TUBGCP4: variants seen among roughly 807,000 people sequenced by gnomAD.
TUBGCP4 encodes tubulin gamma complex component 4.
Under a neutral mutation model 91.6 loss-of-function variants are expected in TUBGCP4, and 54 were observed. That is an observed-to-expected ratio of 0.59 (90% CI 0.47 to 0.74). The LOEUF (loss-of-function observed/expected upper bound fraction) is 0.74. TUBGCP4 is among the 30% of genes least tolerant of loss of function. The pLI, the probability that TUBGCP4 is intolerant of heterozygous loss-of-function variation, is 0.00. For missense variants in TUBGCP4, 593 were observed against 800.9 expected, an observed-to-expected ratio of 0.74 and a Z score of 3.13; for synonymous variants, 297 against 302.8, an observed-to-expected ratio of 0.98 and a Z score of 0.20.
rs45538744 is a variant in TUBGCP4, at chr15:43,407,922, T to C, written c.*2708T>C. On this transcript the variant is annotated 3_prime_UTR_variant, in exon 18 of 18. Transcript: ENST00000564079. The stretch of plus-strand genomic sequence containing the variant: ...AAGGAGATCCCTGGAACAAAGACAC[T>C]ACACACACTCTTTCAGGTACCTTTG... The C allele has an allele frequency of 1.2e-6, 2 of 1,605,154 alleles. No individual in the cohort carries two copies. The highest frequency in any genetic ancestry group is 2.2e-5 in the South Asian group (2 of 90,430).
Position 43,400,171 on chromosome 15 carries a change from C to T in TUBGCP4, c.1546C>T (p.Leu516=). 1 of 1,614,118 alleles carries T rather than the reference C, an allele frequency of 6.2e-7. No individual in the cohort carries two copies. Among genetic ancestry groups the T allele is most frequent in the Non-Finnish European group, 8.5e-7 (1 of 1,180,028 alleles). The part of the protein sequence containing the change: ...SNQTDAIKWR[L]RNHMAFLVDN... ...CCAGACTGATGCAATCAAGTGGCGC[C>T]TAAGAAATCACATGGCATTTTTGGT... Residue 516 remains leucine (L), a synonymous_variant, in exon 14 of 18, where the codon CTA becomes TTA. Coordinates refer to ENST00000564079, the MANE Select transcript of TUBGCP4 (RefSeq NM_014444.5).
At chr15:43,392,361 A>AT (rs1337365928) in intron 9 of TUBGCP4, among the ~76,000 whole-genome samples, 1 of 151,958 alleles carries the variant, frequency 6.6e-6, no homozygotes, top group Non-Finnish European at 1.5e-5. Context: ...TTTGTTTATG[A>AT]TTTTTTAACC....
chr15:43,400,112 C>T lies in TUBGCP4; in HGVS notation c.1487C>T (p.Ala496Val), dbSNP rs781319991. ...RVQAELQHCW[A>V]LQMQRKHLKS... ...CAAGCTGAGCTGCAGCACTGCTGGG[C>T]CCTACAAATGCAGCGCAAGCACCTC... The change falls in exon 14 of 18, where the codon GCC becomes GTC. Residue 496 changes from alanine to valine, a missense_variant. By Grantham distance (64) the Ala-to-Val change is moderately conservative. Transcript: ENST00000564079. 6.2e-7 allele frequency: 1 copy of T among 1,614,166 alleles called. No homozygotes were observed. Among genetic ancestry groups the T allele is most frequent in the South Asian group, 1.1e-5 (1 of 91,080 alleles).
chr15:43,394,767 T>G (rs185364715), intron 9 of TUBGCP4: 56 of 329,536 alleles, frequency 1.7e-4, no homozygotes, highest in African/African-American at 1.2e-3. Flanking sequence ...CCTTGCTCTC[T>G]CTTGCTCCTA....
Position 43,380,148 on chromosome 15 carries a change from G to A in TUBGCP4, c.506G>A (p.Arg169Gln), listed in dbSNP as rs1183616347. The change falls in exon 6 of 18, where the codon CGA (arginine) becomes CAA (glutamine). Residue 169 changes from arginine (R) to glutamine (Q), a missense_variant. Coordinates refer to ENST00000564079, the MANE Select transcript of TUBGCP4 (RefSeq NM_014444.5). Reference sequence around the variant, plus strand: ...AGCTGTGGGGGGTTGCCTCCTGTTCGAAGTGCACTGGAAAAGTAAGTCATG... The same window carrying A: ...AGCTGTGGGGGGTTGCCTCCTGTTCAAAGTGCACTGGAAAAGTAAGTCATG... ...KHSCGGLPPV[R>Q]SALEKILAVC... The A allele has an allele frequency of 5.0e-6, 8 of 1,613,862 alleles. No individual in the cohort carries two copies. In the African/African-American group the frequency reaches 5.3e-5, roughly 11 times the overall value.
At chr15:43,385,602 C>A in intron 7 of TUBGCP4, 189 bp from the exon 8 acceptor site, 1 of 608,208 alleles carries the variant, frequency 1.6e-6, no homozygotes, top group Non-Finnish European at 2.9e-6. Context: ...TTATTTCCAC[C>A]ATGCCACTCT....
rs780634941 is a variant in TUBGCP4, at chr15:43,408,139, A to G, written c.*2925A>G. 3.2e-6 allele frequency: 5 copies of G among 1,577,518 alleles called. No individual in the cohort carries two copies. In the African/African-American group the frequency reaches 6.8e-5, roughly 21 times the overall value. ...TAGCATGACAAGTAATATCCAACAA[A>G]CTGCCTTTCTGCAAAGGGACTCATG... On this transcript the variant is annotated 3_prime_UTR_variant, in exon 18 of 18. Transcript: ENST00000564079.
intron 14 of TUBGCP4, among the ~76,000 whole-genome samples, chr15:43,400,556 C>T (rs544921740): frequency 2.5e-4 from 38 of 152,216 alleles, no homozygotes; most frequent in African/African-American, 8.2e-4. Context: ...TGCCACCACA[C>T]CCAGCTGGTT....
chr15:43,407,862 A>G lies in TUBGCP4; in HGVS notation c.*2648A>G. The stretch of plus-strand genomic sequence containing the variant: ...GGATACGGTCAACCTATTAGGCCTG[A>G]GCCTTGGACCACAAGGCCTAACACC... On this transcript the variant is annotated 3_prime_UTR_variant, in exon 18 of 18. Transcript: ENST00000564079. 1.4e-6 allele frequency: 2 copies of G among 1,382,128 alleles called. No homozygotes were observed. Among genetic ancestry groups the G allele is most frequent in the Middle Eastern group, 1.8e-4 (1 of 5,436 alleles). 85.6% of individuals were successfully genotyped at this position (1,382,128 alleles called of 1,614,324 possible). A position where few individuals can be genotyped will look rare whatever the true frequency, so the allele number is the denominator to read the frequency against.
chr15:43,395,386 A>C lies in TUBGCP4; in HGVS notation c.1066-197A>C, dbSNP rs909301549. On this transcript the variant is annotated intron_variant, in intron 10 of 17. Transcript: ENST00000564079. ...ATATATAATTATGTTGCTATTGAAT[A>C]AATAATGCCAAATACACACCAGTCA... 11 of 659,408 alleles carry C rather than the reference A, an allele frequency of 1.7e-5. No individual in the cohort carries two copies. The African/African-American group carries it at 2.0e-4, about 12-fold the overall frequency. The allele number at this position is 659,408 out of a possible 1,614,324, so 40.8% of individuals were successfully genotyped here.
At chr15:43,392,187 C>T (rs1270219083) in intron 9 of TUBGCP4, among the ~76,000 whole-genome samples, 2 of 143,590 alleles carry the variant, frequency 1.4e-5, no homozygotes, top group Non-Finnish European at 3.1e-5. Context: ...TTTCTTCCTT[C>T]GTGTTTTTTT....
intron 9 of TUBGCP4, among the ~76,000 whole-genome samples, chr15:43,388,247 A>G (rs1307305408): frequency 1.3e-5 from 2 of 152,222 alleles, no homozygotes; most frequent in Admixed American, 1.3e-4. Context: ...CACTTCGTTC[A>G]GTGTCTGGAA....
At chr15:43,403,480 T>TA (rs1301514928) in intron 15 of TUBGCP4, 1 of 525,880 alleles carries the variant, frequency 1.9e-6, no homozygotes, top group Non-Finnish European at 3.4e-6. Flanking sequence ...AATACTCGCT[T>TA]AGCCAGGAAA....
chr15:43,403,487 GA>G (rs1405600922), intron 15 of TUBGCP4, 195 bp from the exon 16 acceptor site: 59 of 542,200 alleles, frequency 1.1e-4, no homozygotes, highest in Admixed American at 3.3e-4. Flanking sequence ...GCTTAGCCAG[GA>G]AAGGATGCAT....
Position 43,403,787 on chromosome 15 carries a change from C to T in TUBGCP4, c.1836C>T (p.Ser612=). 6.2e-7 allele frequency: 1 copy of T among 1,613,672 alleles called. No homozygotes were observed. Among genetic ancestry groups the T allele is most frequent in the Non-Finnish European group, 8.5e-7 (1 of 1,179,658 alleles). ...PLDERGAAQL[S]ILVKGFSRQS... The stretch of plus-strand genomic sequence containing the variant: ...ATGAGCGTGGAGCCGCCCAGCTGAG[C>T]ATTCTCGTGAAGGTGCGTCTGCCTG... The change falls in exon 16 of 18, where the codon AGC becomes AGT. Residue 612 remains serine, a synonymous_variant. Transcript: ENST00000564079.
intron 9 of TUBGCP4, among the ~76,000 whole-genome samples, chr15:43,393,234 G>T: frequency 6.8e-6 from 1 of 147,576 alleles, no homozygotes. Flanking sequence ...TTTTTAAGAC[G>T]GAGTCTTGCT....
Position 43,408,158 on chromosome 15 carries a change from A to T in TUBGCP4, c.*2944A>T. On this transcript the variant is annotated 3_prime_UTR_variant, in exon 18 of 18. Transcript: ENST00000564079. Reference sequence around the variant, plus strand: ...CAACAAACTGCCTTTCTGCAAAGGGACTCATGTACATCTGAATGCTTTCAA... The same window carrying T: ...CAACAAACTGCCTTTCTGCAAAGGGTCTCATGTACATCTGAATGCTTTCAA... 1 of 1,468,806 alleles carries T rather than the reference A, an allele frequency of 6.8e-7. No individual in the cohort carries two copies. Among genetic ancestry groups the T allele is most frequent in the Non-Finnish European group, 9.4e-7 (1 of 1,068,230 alleles). 91.0% of individuals were successfully genotyped at this position (1,468,806 alleles called of 1,614,324 possible).
At chr15:43,383,566 A>C in intron 7 of TUBGCP4, 62 bp downstream of exon 7, 3 of 1,438,012 alleles carry the variant, frequency 2.1e-6, no homozygotes, top group African/African-American at 1.4e-5. Context: ...ATGCACACAA[A>C]TGATCTTCTG....
rs192105645 is a variant in TUBGCP4 at position 43,382,274 on chromosome 15, C to T, written c.522-1029C>T. Among the ~76,000 whole-genome samples the T allele has an allele frequency of 3.3e-5, 5 of 152,004 alleles. No individual in the cohort carries two copies. The East Asian group carries it at 9.7e-4, about 29-fold the overall frequency. The stretch of plus-strand genomic sequence containing the variant: ...AAAAAGGGATTCTCTTATAGAACAT[C>T]AATTCCATATTACACCCAAGAAAGT... On this transcript the variant is annotated intron_variant, in intron 6 of 17. Transcript: ENST00000564079.
Sources: allele counts gnomAD v4.1 joint callset (sites outside exome capture counted in the v4.1 genomes callset), GRCh38; gene constraint gnomAD v4.1.1; transcripts MANE v1.5; gene names NCBI Gene and HGNC (gene_info 2026-07-23, HGNC 2026-07-21).